Variants in LRP1B observed in about 807,000 individuals in gnomAD.
LRP1B encodes the protein LDL receptor related protein 1B.
Under a neutral mutation model 556.6 loss-of-function variants are expected in LRP1B, and 217 were observed. The observed-to-expected ratio is 0.39, with a 90% confidence interval of 0.35 to 0.44. LRP1B has a LOEUF of 0.44. Among genes scored for constraint, LRP1B ranks in the 20% least tolerant of loss-of-function variants. LRP1B has a pLI of 1.00. For missense variants in LRP1B, 5,053 were observed against 5,620.8 expected, an observed-to-expected ratio of 0.90 and a Z score of 3.23; for synonymous variants, 2,047 against 1,865.8, an observed-to-expected ratio of 1.10 and a Z score of -2.50.
chr2:140,268,411 C>T (rs541217769), intron 86 of LRP1B, among the ~76,000 whole-genome samples: 1 of 152,010 alleles, frequency 6.6e-6, no homozygotes, highest in African/African-American at 2.4e-5. Flanking sequence ...AAGCCTCTGC[C>T]TCAAGTCTCA....
chr2:141,929,399 A>C (rs1200481609), intron 1 of LRP1B, among the ~76,000 whole-genome samples: 1 of 152,076 alleles, frequency 6.6e-6, no homozygotes, highest in Non-Finnish European at 1.5e-5. Context: ...CAATTTGATT[A>C]TTTTATTTGA....
chr2:141,556,643 C>G (rs545581578), intron 2 of LRP1B, among the ~76,000 whole-genome samples: 14 of 151,822 alleles, frequency 9.2e-5, no homozygotes, highest in Non-Finnish European at 1.9e-4. Flanking sequence ...AAACAAATAT[C>G]ACTTCCAAGA....
intron 41 of LRP1B, among the ~76,000 whole-genome samples, chr2:140,640,369 C>A (rs558571045): frequency 1.1e-4 from 16 of 144,134 alleles, no homozygotes; most frequent in African/African-American, 4.1e-4. Flanking sequence ...TCCACTATTC[C>A]CTTGTCCTGT....
intron 29 of LRP1B, among the ~76,000 whole-genome samples, chr2:140,849,402 AC>A (rs1559154982): frequency 2.6e-5 from 3 of 113,588 alleles, no homozygotes; most frequent in Non-Finnish European, 4.0e-5. Flanking sequence ...AAAACAAAAA[AC>A]AAAATCCAAA....
At chr2:141,533,107 T>A (rs1477075464) in intron 2 of LRP1B, among the ~76,000 whole-genome samples, 1 of 152,190 alleles carries the variant, frequency 6.6e-6, no homozygotes, top group Admixed American at 6.6e-5. Context: ...AGTCAAAGCT[T>A]GACTTATCCT....
intron 7 of LRP1B, among the ~76,000 whole-genome samples, chr2:141,069,309 G>A (rs928723823): frequency 6.6e-6 from 1 of 152,060 alleles, no homozygotes; most frequent in Non-Finnish European, 1.5e-5. Flanking sequence ...ACCTGACACT[G>A]TGAAAGTGGA....
At chr2:141,117,438 A>G (rs2104986026) in intron 7 of LRP1B, among the ~76,000 whole-genome samples, 1 of 152,086 alleles carries the variant, frequency 6.6e-6, no homozygotes, top group African/African-American at 2.4e-5. Flanking sequence ...AGTAGTTTTA[A>G]TCAGAATGAT....
intron 1 of LRP1B, among the ~76,000 whole-genome samples, chr2:142,087,877 C>T (rs913031268): frequency 9.9e-5 from 15 of 151,974 alleles, no homozygotes; most frequent in Non-Finnish European, 2.9e-5. Flanking sequence ...CTTAAGATGA[C>T]CTTTTACAAA....
intron 87 of LRP1B, among the ~76,000 whole-genome samples, chr2:140,240,101 T>A (rs545079692): frequency 4.6e-4 from 69 of 150,994 alleles, no homozygotes; most frequent in Non-Finnish European, 9.4e-4. Flanking sequence ...TTAAATGCTT[T>A]GAGGCTCATG....
At chr2:140,872,880 A>G (rs930819782) in intron 25 of LRP1B, among the ~76,000 whole-genome samples, 3 of 152,056 alleles carry the variant, frequency 2.0e-5, no homozygotes, top group Non-Finnish European at 2.9e-5. Flanking sequence ...TGAATCTATA[A>G]GATATATTTC....
intron 1 of LRP1B, among the ~76,000 whole-genome samples, chr2:142,002,274 A>G (rs939903622): frequency 1.3e-5 from 2 of 152,162 alleles, no homozygotes; most frequent in Non-Finnish European, 2.9e-5. Flanking sequence ...AGTCATAATC[A>G]TGTTAATTGC....
At chr2:141,599,481 T>C (rs1687654185) in intron 2 of LRP1B, among the ~76,000 whole-genome samples, 1 of 152,140 alleles carries the variant, frequency 6.6e-6, no homozygotes, top group Non-Finnish European at 1.5e-5. Flanking sequence ...AACTTGAACA[T>C]TAAATTTTAT....
chr2:141,698,781 C>A (rs1691831280), intron 2 of LRP1B, among the ~76,000 whole-genome samples: 1 of 151,388 alleles, frequency 6.6e-6, no homozygotes, highest in African/African-American at 2.4e-5. Flanking sequence ...CAGTGATTTT[C>A]AAATTTTGAG....
intron 3 of LRP1B, among the ~76,000 whole-genome samples, chr2:141,272,033 C>T (rs533441716): frequency 6.6e-6 from 1 of 152,056 alleles, no homozygotes; most frequent in East Asian, 1.9e-4. Flanking sequence ...ATCAGAACTG[C>T]TAAAAAGAAG....
intron 2 of LRP1B, among the ~76,000 whole-genome samples, chr2:141,646,747 G>C (rs1028749731): frequency 1.3e-5 from 2 of 152,112 alleles, no homozygotes; most frequent in African/African-American, 2.4e-5. Flanking sequence ...TTCTGGGGAG[G>C]CTTCACTAAT....
chr2:140,614,650 G>A (rs904039922), intron 41 of LRP1B, among the ~76,000 whole-genome samples: 2 of 152,088 alleles, frequency 1.3e-5, no homozygotes, highest in African/African-American at 4.8e-5. Context: ...CTGATGGCTG[G>A]AGAGAAAAAT....
intron 71 of LRP1B, 30 bp from the exon 72 acceptor site, chr2:140,364,813 G>A (rs2105152152): frequency 6.2e-7 from 1 of 1,602,684 alleles, no homozygotes; most frequent in Non-Finnish European, 8.5e-7. Context: ...GAAACAAAGA[G>A]ATTCAGAGTA....
chr2:141,027,069 A>G lies in LRP1B; in HGVS notation c.1790-6967T>C, dbSNP rs1207912020. 2.0e-5 allele frequency among the ~76,000 whole-genome samples: 3 copies of G among 152,146 alleles called. No homozygotes were observed. In the East Asian group the frequency reaches 5.8e-4, roughly 29 times the overall value. ...AATGATAAATAGAGGAAGGAGTTGAAGAAAGTTTAACCTAGGCAAAGTTTC... is the reference window on the plus strand; with the variant it reads ...AATGATAAATAGAGGAAGGAGTTGAGGAAAGTTTAACCTAGGCAAAGTTTC... On this transcript the variant is annotated intron_variant, in intron 11 of 90. Transcript: ENST00000389484.
At chr2:141,147,840 A>AT (rs1405504848) in intron 7 of LRP1B, among the ~76,000 whole-genome samples, 3 of 152,216 alleles carry the variant, frequency 2.0e-5, no homozygotes, top group Non-Finnish European at 4.4e-5. Flanking sequence ...CCATAAGTTT[A>AT]TAATACCGTA....
Sources: gnomAD v4.1 joint callset for allele counts (sites outside exome capture counted in the v4.1 genomes callset) on GRCh38, gnomAD v4.1.1 for gene constraint, MANE v1.5 for transcripts, NCBI Gene and HGNC (gene_info 2026-07-23, HGNC 2026-07-21) for gene names.